Variants in FKBP11 observed in about 807,000 individuals in gnomAD.
FKBP11 encodes peptidyl-prolyl cis-trans isomerase FKBP11.
Under a neutral mutation model 24.7 loss-of-function variants are expected in FKBP11, and 21 were observed. The observed-to-expected ratio is 0.85, with a 90% CI of 0.60 to 1.23. The LOEUF (loss-of-function observed/expected upper bound fraction) is 1.23, where lower values mean the gene tolerates loss of function less well. Among genes scored for constraint, FKBP11 ranks in the 50% most tolerant of loss-of-function variants. The pLI, the probability that FKBP11 is intolerant of heterozygous loss-of-function variation, is 0.00. For missense variants in FKBP11, 245 were observed against 248.7 expected (o/e 0.99, Z 0.10); for synonymous variants, 106 against 100.6 (o/e 1.05, Z -0.32).
chr12:48,932,078 G>C, the FKBP11 span, among the ~76,000 whole-genome samples: 24 of 150,396 alleles, frequency 1.6e-4, no homozygotes, highest in East Asian at 4.8e-3. Context: ...TGGGAGGCTG[G>C]GGTGGGAGGA....
chr12:48,923,899 C>T, intron 4 of FKBP11, 47 bp from the exon 5 acceptor site: 1 of 1,567,022 alleles, frequency 6.4e-7, no homozygotes, highest in African/African-American at 1.3e-5. Context: ...AGAGGTAGGC[C>T]AGCAGCCTCA....
At chr12:48,923,168 C>G in intron 5 of FKBP11, 1 of 1,087,030 alleles carries the variant, frequency 9.2e-7, no homozygotes, top group South Asian at 2.0e-5. Context: ...AAAAGAATTA[C>G]GAGCCCAATA....
the FKBP11 span, chr12:48,938,939 T>C: frequency 6.2e-7 from 1 of 1,611,560 alleles, no homozygotes; most frequent in South Asian, 1.1e-5. Flanking sequence ...GTTAGGGCTG[T>C]CTGGCTTTCA....
At chr12:48,932,257 ATATATTTTTTTTTTTTTTT>A in the FKBP11 span, among the ~76,000 whole-genome samples, 10 of 37,512 alleles carry the variant, frequency 2.7e-4, no homozygotes, top group African/African-American at 6.5e-4. Flanking sequence ...ATATATATAT[ATATATTTTTTTTTTTTTTT>A]TTTTTTTTTT....
At chr12:48,935,064 G>A in the FKBP11 span, among the ~76,000 whole-genome samples, 1 of 151,070 alleles carries the variant, frequency 6.6e-6, no homozygotes, top group Non-Finnish European at 1.5e-5. Context: ...AAAACACTTG[G>A]GAAAGATACT....
Position 48,925,416 on chromosome 12 carries a change from G to C in FKBP11, c.13C>G (p.Pro5Ala). Residue 5 changes from proline (P) to alanine (A), a missense_variant, in exon 1 of 6, where the codon CCC (proline) becomes GCC (alanine). Pro to Ala is a conservative substitution (Grantham distance 27). Coordinates refer to ENST00000550765, the MANE Select transcript of FKBP11 (RefSeq NM_016594.3). Reference sequence around the variant, plus strand: ...AGCAGATGGAGCGGGAGGAGTGAGGGGCGCAGGGTCATGACTGGGCGCGGG... The same window carrying C: ...AGCAGATGGAGCGGGAGGAGTGAGGCGCGCAGGGTCATGACTGGGCGCGGG... MTLR[P>A]SLLPLHLLLL... 6.4e-7 allele frequency: 1 copy of C among 1,572,942 alleles called. No individual in the cohort carries two copies. The highest frequency in any genetic ancestry group is 8.6e-7 in the Non-Finnish European group (1 of 1,160,248).
rs1189899625 is a variant in FKBP11, at chr12:48,925,402, C to T, written c.27G>A (p.Pro9=). 6.3e-7 allele frequency: 1 copy of T among 1,583,996 alleles called. No homozygotes were observed. The change falls in exon 1 of 6, where the codon CCG becomes CCA. Residue 9 remains proline, a synonymous_variant. Coordinates refer to ENST00000550765, the MANE Select transcript of FKBP11 (RefSeq NM_016594.3). MTLRPSLL[P]LHLLLLLLLS... ...GCAGCAGCAGCAGCAGCAGATGGAG[C>T]GGGAGGAGTGAGGGGCGCAGGGTCA...
Position 48,922,059 on chromosome 12 carries a change from G to C in FKBP11, c.531C>G (p.Tyr177Ter), listed in dbSNP as rs1289409140. Residue 177 changes from tyrosine to a stop codon, truncating the protein, a stop_gained, in exon 6 of 6, where the codon TAC becomes TAG. Transcript: ENST00000550765. LOFTEE classifies it high-confidence loss of function. ...AGACTTTGGGTCTATTGGCCTTTCT[G>C]TATAGGTGATACCCAATGAGGCCCA... ...ALLGLIGYHL[Y>*]RKANRPKVSK... The C allele has an allele frequency of 1.2e-6, 2 of 1,613,984 alleles. No homozygotes were observed. Among genetic ancestry groups the C allele is most frequent in the Middle Eastern group, 1.6e-4 (1 of 6,082 alleles).
chr12:48,931,436 TGGAGGG>T (rs1383478763), upstream of FKBP11: 1 of 1,536,018 alleles, frequency 6.5e-7, no homozygotes, highest in Admixed American at 2.0e-5. Context: ...ATCTGCACCC[TGGAGGG>T]ACCAGAGAAG....
In FKBP11 at chr12:48,925,375, GAGCAGC is replaced by G. The variant is rs745622342; in HGVS notation, c.48_53del (p.Leu17_Leu18del). 25 of 1,601,534 alleles carry G rather than the reference GAGCAGC, an allele frequency of 1.6e-5. No individual in the cohort carries two copies. Among genetic ancestry groups the G allele is most frequent in the African/African-American group, 5.3e-5 (4 of 74,842 alleles). The stretch of plus-strand genomic sequence containing the variant: ...CCTCAGCCCGGCACACCGCCGCACT[GAGCAGC>G]AGCAGCAGCAGCAGATGGAGCGGGA... On this transcript the variant is annotated inframe_deletion, in exon 1 of 6. Coordinates refer to ENST00000550765, the MANE Select transcript of FKBP11 (RefSeq NM_016594.3).
At chr12:48,924,856 C>G in intron 2 of FKBP11, 190 bp downstream of exon 2, 1 of 1,443,588 alleles carries the variant, frequency 6.9e-7, no homozygotes, top group African/African-American at 1.4e-5. Flanking sequence ...CAGGTAGGAA[C>G]TGGCAGAAAA....
At chr12:48,929,455 A>T (rs12423542), upstream of FKBP11, among the ~76,000 whole-genome samples, 10 of 151,774 alleles carry the variant, frequency 6.6e-5, no homozygotes, top group Admixed American at 1.3e-4. Flanking sequence ...AAAAATAATA[A>T]GCCCCTGATC....
At chr12:48,931,279 G>A (rs1940047073), upstream of FKBP11, 4 of 673,314 alleles carry the variant, frequency 5.9e-6, no homozygotes, top group East Asian at 1.1e-4. Context: ...ACAGTGTGGT[G>A]AAGGTGGAAG....
intron 4 of FKBP11, 132 bp from the exon 5 acceptor site, chr12:48,923,984 A>C: frequency 4.0e-6 from 4 of 995,900 alleles, no homozygotes; most frequent in Non-Finnish European, 6.4e-6. Context: ...CCTGAACACC[A>C]AACAGGCTGG....
Position 48,923,857 on chromosome 12 carries a change from G to C in FKBP11, c.318-5C>G. On this transcript the variant is annotated splice_polypyrimidine_tract_variant and splice_region_variant and intron_variant, in intron 4 of 5. Transcript: ENST00000550765. ...ATGATTGCCCTTCGCTTCTCTCTGA[G>C]GGAAGGAATGTCAGTCACAGCCAGA... 1 of 1,614,022 alleles carries C rather than the reference G, an allele frequency of 6.2e-7. No individual in the cohort carries two copies. The highest frequency in any genetic ancestry group is 8.5e-7 in the Non-Finnish European group (1 of 1,179,912).
chr12:48,923,417 G>T, intron 5 of FKBP11: 1 of 1,483,698 alleles, frequency 6.7e-7, no homozygotes, highest in Non-Finnish European at 9.0e-7. Context: ...CTGAAAGGAA[G>T]GGGTGGGGGG....
Position 48,923,762 on chromosome 12 carries a change from G to C in FKBP11, c.388+20C>G. On this transcript the variant is annotated intron_variant, in intron 5 of 5. Transcript: ENST00000550765. ...GACTGGGTATTTTGATGGCCTGAGA[G>C]AGAGTCCTAGTCAGATTACCTGGGA... The C allele has an allele frequency of 6.2e-7, 1 of 1,611,066 alleles. No individual in the cohort carries two copies. The highest frequency in any genetic ancestry group is 8.5e-7 in the Non-Finnish European group (1 of 1,177,224).
chr12:48,938,413 C>T, the FKBP11 span: 2 of 454,328 alleles, frequency 4.4e-6, no homozygotes, highest in African/African-American at 2.0e-5. Flanking sequence ...CCCTGAGCTT[C>T]ACTCCACCCC....
At chr12:48,923,182 T>G in intron 5 of FKBP11, 1 of 1,199,728 alleles carries the variant, frequency 8.3e-7, no homozygotes, top group Non-Finnish European at 1.0e-6. Flanking sequence ...CCCAATACTC[T>G]GTGGAGTACA....
Sources: allele counts gnomAD v4.1 joint callset (sites outside exome capture counted in the v4.1 genomes callset), GRCh38; gene constraint gnomAD v4.1.1; transcripts MANE v1.5; gene names NCBI Gene and HGNC (gene_info 2026-07-23, HGNC 2026-07-21).